The following DPYD variants were observed in gnomAD, a reference collection of about 807,000 sequenced individuals.
DPYD encodes dihydropyrimidine dehydrogenase [NADP(+)].
A neutral mutation model predicts 116.2 loss-of-function variants in DPYD; 109 were observed. The observed-to-expected ratio is 0.94, with a 90% CI of 0.80 to 1.10. The LOEUF (loss-of-function observed/expected upper bound fraction) is 1.10, where lower values mean the gene tolerates loss of function less well. Among genes scored for constraint, DPYD ranks in the 50% least tolerant of loss-of-function variants. The pLI, the probability that DPYD is intolerant of heterozygous loss-of-function variation, is 0.00. For missense variants in DPYD, 1,302 were observed against 1,254.5 expected (o/e 1.04, Z -0.57); for synonymous variants, 440 against 432.0 (o/e 1.02, Z -0.23).
intron 18 of DPYD, among the ~76,000 whole-genome samples, chr1:97,244,749 T>C (rs1570747726): frequency 6.6e-6 from 1 of 152,182 alleles, no homozygotes; most frequent in South Asian, 2.1e-4. Flanking sequence ...AAATTTTTCT[T>C]ACTATCAACC....
At chr1:97,526,016 T>TGTGTGTGTG (rs1649060888) in intron 12 of DPYD, among the ~76,000 whole-genome samples, 17 of 150,022 alleles carry the variant, frequency 1.1e-4, no homozygotes, top group South Asian at 4.2e-4. Context: ...TGTGTGTGTG[T>TGTGTGTGTG]TTCTATAATT....
chr1:97,637,460 C>T lies in DPYD; in HGVS notation c.850+41635G>A, dbSNP rs190181173. ...TCTTTTGGCAGTTTATTTTATAGAC[C>T]CCCCAGACACTGAACATAAGAGAGT... On this transcript the variant is annotated intron_variant, in intron 8 of 22. Transcript: ENST00000370192. Among the ~76,000 whole-genome samples, 196 of 150,572 alleles carry T rather than the reference C, an allele frequency of 1.3e-3. 1 individual carries two copies. The highest frequency in any genetic ancestry group is 4.6e-3 in the African/African-American group (186 of 40,852).
chr1:97,435,002 C>G (rs944399383), intron 14 of DPYD, among the ~76,000 whole-genome samples: 3 of 151,936 alleles, frequency 2.0e-5, no homozygotes, highest in African/African-American at 7.2e-5. Context: ...CTATACAAAA[C>G]TAAGAAACTG....
At chr1:97,796,286 T>C (rs1667565780) in intron 3 of DPYD, among the ~76,000 whole-genome samples, 1 of 152,118 alleles carries the variant, frequency 6.6e-6, no homozygotes, top group Non-Finnish European at 1.5e-5. Flanking sequence ...TTCCTTGTCC[T>C]AAGCAACACA....
chr1:97,512,360 T>G (rs1473628385), intron 13 of DPYD, among the ~76,000 whole-genome samples: 1 of 151,914 alleles, frequency 6.6e-6, no homozygotes, highest in Non-Finnish European at 1.5e-5. Context: ...ATTTGAGATA[T>G]TTTCATAATT....
intron 20 of DPYD, among the ~76,000 whole-genome samples, chr1:97,114,580 T>G (rs1049585458): frequency 3.9e-5 from 6 of 152,150 alleles, no homozygotes; most frequent in African/African-American, 1.4e-4. Context: ...TTGATCAGTG[T>G]GCAGGGGTTA....
At chr1:97,196,611 G>A (rs1658832127) in intron 19 of DPYD, among the ~76,000 whole-genome samples, 1 of 152,132 alleles carries the variant, frequency 6.6e-6, no homozygotes, top group African/African-American at 2.4e-5. Context: ...CACTTTGTTA[G>A]CACTTTTAAA....
At chr1:97,136,690 G>A (rs889689971) in intron 20 of DPYD, among the ~76,000 whole-genome samples, 1 of 152,114 alleles carries the variant, frequency 6.6e-6, no homozygotes, top group Admixed American at 6.6e-5. Flanking sequence ...CACGTATTTG[G>A]ATGAATCACG....
chr1:97,742,572 A>G (rs1240038924), intron 3 of DPYD, among the ~76,000 whole-genome samples: 1 of 152,124 alleles, frequency 6.6e-6, no homozygotes, highest in Non-Finnish European at 1.5e-5. Flanking sequence ...TCCCCGAAAC[A>G]CTATTGTTGA....
At chr1:97,683,200 A>G (rs1309172433) in intron 7 of DPYD, among the ~76,000 whole-genome samples, 2 of 152,154 alleles carry the variant, frequency 1.3e-5, no homozygotes, top group East Asian at 1.9e-4. Context: ...AGAAAATAAA[A>G]TGAAGAAATT....
At chr1:97,139,720 C>T (rs1317518831) in intron 20 of DPYD, among the ~76,000 whole-genome samples, 1 of 152,158 alleles carries the variant, frequency 6.6e-6, no homozygotes, top group Non-Finnish European at 1.5e-5. Flanking sequence ...TTAGATGAGG[C>T]CCCAACTATG....
chr1:97,118,507 A>G (rs1310076745), intron 20 of DPYD, among the ~76,000 whole-genome samples: 1 of 152,154 alleles, frequency 6.6e-6, no homozygotes, highest in Non-Finnish European at 1.5e-5. Context: ...TGGCTTCTGC[A>G]TGGGGCAGGA....
chr1:97,347,443 G>C (rs973369697), intron 16 of DPYD, among the ~76,000 whole-genome samples: 1 of 151,676 alleles, frequency 6.6e-6, no homozygotes, highest in African/African-American at 2.4e-5. Context: ...GTTTTCTTTC[G>C]GTTAAGCCAA....
At chr1:97,609,912 A>G (rs548450978) in intron 8 of DPYD, among the ~76,000 whole-genome samples, 1 of 152,090 alleles carries the variant, frequency 6.6e-6, no homozygotes, top group African/African-American at 2.4e-5. Context: ...GGTAAGCCAC[A>G]CCCACTTAAA....
At chr1:97,695,565 T>C (rs75480566) in intron 6 of DPYD, among the ~76,000 whole-genome samples, 90 of 151,084 alleles carry the variant, frequency 6.0e-4, no homozygotes, top group African/African-American at 2.2e-3. Context: ...GAGCCAGAAA[T>C]AATGACCAGC....
intron 14 of DPYD, among the ~76,000 whole-genome samples, chr1:97,442,241 T>G (rs1272043499): frequency 6.6e-6 from 1 of 151,884 alleles, no homozygotes; most frequent in Non-Finnish European, 1.5e-5. Context: ...TTTCTATCTC[T>G]CAGTGACCAC....
intron 3 of DPYD, among the ~76,000 whole-genome samples, chr1:97,788,911 G>A (rs923771440): frequency 2.6e-5 from 4 of 152,010 alleles, no homozygotes; most frequent in South Asian, 2.1e-4. Context: ...TCAAGTCATC[G>A]TCCTACCTAA....
intron 18 of DPYD, among the ~76,000 whole-genome samples, chr1:97,243,260 T>G (rs1662496850): frequency 6.6e-6 from 1 of 151,948 alleles, no homozygotes; most frequent in African/African-American, 2.4e-5. Flanking sequence ...AGTGATTAAC[T>G]TAGAAAAGAA....
chr1:97,545,745 T>C (rs1650795720), intron 12 of DPYD: 10 of 1,510,622 alleles, frequency 6.6e-6, no homozygotes, highest in Non-Finnish European at 9.1e-6. Context: ...AAAGGGAATT[T>C]CGTGCTCCAA....
Sources: gnomAD v4.1 joint callset for allele counts (sites outside exome capture counted in the v4.1 genomes callset) on GRCh38, gnomAD v4.1.1 for gene constraint, MANE v1.5 for transcripts, NCBI Gene and HGNC (gene_info 2026-07-23, HGNC 2026-07-21) for gene names.